Variants in OR51M1 observed in about 807,000 individuals in gnomAD.
OR51M1 encodes olfactory receptor family 51 subfamily M member 1.
For synonymous variants in OR51M1, 199 were observed against 155.1 expected, an observed-to-expected ratio of 1.28 and a Z score of -2.10; for missense variants, 509 against 404.4, an observed-to-expected ratio of 1.26 and a Z score of -2.22.
At chr11:5,386,096 A>T (rs1007251011) in intron 2 of OR51M1, among the ~76,000 whole-genome samples, 2 of 152,146 alleles carry the variant, frequency 1.3e-5, no homozygotes, top group African/African-American at 4.8e-5. Context: ...TTGACAGAAG[A>T]AGTGATATTT....
chr11:5,392,937 TA>T lies in OR51M1; in HGVS notation c.*2561del, dbSNP rs1249227447. On this transcript the variant is annotated 3_prime_UTR_variant, in exon 3 of 3. Coordinates refer to ENST00000642046, the MANE Select transcript of OR51M1 (RefSeq NM_001004756.3). ...AAAAACAAAAAAAAAGAAAAATAAATAAATATCTGTGCTGTTAAGTATGTGG... is the reference window on the plus strand; with the variant it reads ...AAAAACAAAAAAAAAGAAAAATAAATAATATCTGTGCTGTTAAGTATGTGG... The T allele has an allele frequency of 2.2e-5, 3 of 138,070 alleles. No individual in the cohort carries two copies. Among genetic ancestry groups the T allele is most frequent in the Non-Finnish European group, 3.2e-5 (2 of 62,444 alleles). The allele number at this position is 138,070 out of a possible 1,614,324, so 8.6% of individuals were successfully genotyped here. A position where few individuals can be genotyped will look rare whatever the true frequency, so the allele number is the denominator to read the frequency against.
chr11:5,384,696 T>C (rs1020435355), intron 1 of OR51M1, among the ~76,000 whole-genome samples: 1 of 152,214 alleles, frequency 6.6e-6, no homozygotes, highest in Non-Finnish European at 1.5e-5. Context: ...CATTCACTTA[T>C]TCAACAAATT....
In OR51M1 at chr11:5,392,133, G is replaced by T. The variant is rs1362898596; in HGVS notation, c.*1754G>T. 6.6e-6 allele frequency: 1 copy of T among 152,170 alleles called. No homozygotes were observed. Among genetic ancestry groups the T allele is most frequent in the African/African-American group, 2.4e-5 (1 of 41,430 alleles). The allele number at this position is 152,170 out of a possible 1,614,324, so 9.4% of individuals were successfully genotyped here. The stretch of plus-strand genomic sequence containing the variant: ...AGAACCAAACTCTAAAAATATGTAT[G>T]TATGTTTGTGCGGTTTCTTGTGTAT... On this transcript the variant is annotated 3_prime_UTR_variant, in exon 3 of 3. Transcript: ENST00000642046.
In OR51M1 at chr11:5,390,012, C is replaced by A; in HGVS notation, c.614C>A (p.Thr205Asn). 1.2e-6 allele frequency: 2 copies of A among 1,613,412 alleles called. No homozygotes were observed. Among genetic ancestry groups the A allele is most frequent in the Non-Finnish European group, 1.7e-6 (2 of 1,179,904 alleles). ...ATACAGCTGGCCTGCACAGATATCA[C>A]CTTCAATAATCTGTATGGACTGATG... ...EVIQLACTDI[T>N]FNNLYGLMVV... Residue 205 changes from threonine (T) to asparagine (N), a missense_variant, in exon 3 of 3, where the codon ACC (threonine) becomes AAC (asparagine). Physicochemically the swap from Thr to Asn is moderately conservative, Grantham distance 65. Transcript: ENST00000642046.
rs1589971515 is a variant in OR51M1 at position 5,392,426 on chromosome 11, G to C, written c.*2047G>C. ...ATGGGGTACAAAAAATTTAGGATTT[G>C]GATTTAGATTAGCACTGAAGTCCCA... On this transcript the variant is annotated 3_prime_UTR_variant, in exon 3 of 3. Transcript: ENST00000642046. The C allele has an allele frequency of 7.2e-5, 11 of 152,256 alleles. 2 individuals carry two copies. In the South Asian group the frequency reaches 2.3e-3, roughly 32 times the overall value. 9.4% of individuals were successfully genotyped at this position (152,256 alleles called of 1,614,324 possible).
rs920610494 is a variant in OR51M1, at chr11:5,391,270, C to G, written c.*891C>G. On this transcript the variant is annotated 3_prime_UTR_variant, in exon 3 of 3. Transcript: ENST00000642046. Reference sequence around the variant, plus strand: ...GGGGTCTCAGCTTTGAAATTGCTTCCTCAAGGACATTTTCACAGATAGCTC... The same window carrying G: ...GGGGTCTCAGCTTTGAAATTGCTTCGTCAAGGACATTTTCACAGATAGCTC... 1 of 152,178 alleles carries G rather than the reference C, an allele frequency of 6.6e-6. No individual in the cohort carries two copies. Among genetic ancestry groups the G allele is most frequent in the African/African-American group, 2.4e-5 (1 of 41,454 alleles). 9.4% of individuals were successfully genotyped at this position (152,178 alleles called of 1,614,324 possible).
Position 5,390,474 on chromosome 11 carries a change from T to A in OR51M1, c.*95T>A, listed in dbSNP as rs115614694. Reference sequence around the variant, plus strand: ...TGAGTATATAGCATGCTCTTAAAGATTTTTTGCCCCTGTCCTAAATAAAAT... The same window carrying A: ...TGAGTATATAGCATGCTCTTAAAGAATTTTTGCCCCTGTCCTAAATAAAAT... On this transcript the variant is annotated 3_prime_UTR_variant, in exon 3 of 3. Coordinates refer to ENST00000642046, the MANE Select transcript of OR51M1 (RefSeq NM_001004756.3). The A allele has an allele frequency of 1.4e-5, 16 of 1,120,954 alleles. No homozygotes were observed. The highest frequency in any genetic ancestry group is 3.1e-5 in the African/African-American group (2 of 63,522). The allele number at this position is 1,120,954 out of a possible 1,614,324, so 69.4% of individuals were successfully genotyped here.
chr11:5,391,559 G>A lies in OR51M1; in HGVS notation c.*1180G>A, dbSNP rs928960543. On this transcript the variant is annotated 3_prime_UTR_variant, in exon 3 of 3. Coordinates refer to ENST00000642046, the MANE Select transcript of OR51M1 (RefSeq NM_001004756.3). ...CGTGGACATATAGATACATAAAGAG[G>A]GATCCAGAGCTAACAGAAGTTCTCT... is the stretch of plus-strand genomic sequence containing the variant. The A allele has an allele frequency of 6.6e-6, 1 of 152,072 alleles. No individual in the cohort carries two copies. The highest frequency in any genetic ancestry group is 2.4e-5 in the African/African-American group (1 of 41,390). The allele number at this position is 152,072 out of a possible 1,614,324, so 9.4% of individuals were successfully genotyped here.
rs946611146 is a variant in OR51M1 at position 5,389,258 on chromosome 11, T to C, written c.-15-126T>C. 11 of 817,228 alleles carry C rather than the reference T, an allele frequency of 1.3e-5. No homozygotes were observed. In the African/African-American group the frequency reaches 1.4e-4, roughly 10 times the overall value. 50.6% of individuals were successfully genotyped at this position (817,228 alleles called of 1,614,324 possible). A position where few individuals can be genotyped will look rare whatever the true frequency, so the allele number is the denominator to read the frequency against. On this transcript the variant is annotated intron_variant, in intron 2 of 2. Transcript: ENST00000642046. ...AAGAAAGTTCAATAAAGTAGTGAGATTGGCAGAATTCATAAGGGTGGAGTA... is the reference window on the plus strand; with the variant it reads ...AAGAAAGTTCAATAAAGTAGTGAGACTGGCAGAATTCATAAGGGTGGAGTA...
chr11:5,392,650 C>A lies in OR51M1; in HGVS notation c.*2271C>A, dbSNP rs188950208. On this transcript the variant is annotated 3_prime_UTR_variant, in exon 3 of 3. Transcript: ENST00000642046. ...ATATCTGGCTGGGCGCGGTGGCTCA[C>A]GCCTGTAATCCCAGCACTCTGGGAG... 6.6e-6 allele frequency: 1 copy of A among 152,242 alleles called. No individual in the cohort carries two copies. Among genetic ancestry groups the A allele is most frequent in the South Asian group, 2.1e-4 (1 of 4,834 alleles). The allele number at this position is 152,242 out of a possible 1,614,324, so 9.4% of individuals were successfully genotyped here.
In OR51M1 at chr11:5,390,572, C is replaced by A; in HGVS notation, c.*193C>A. 1.8e-6 allele frequency: 1 copy of A among 547,768 alleles called. No homozygotes were observed. Among genetic ancestry groups the A allele is most frequent in the Non-Finnish European group, 3.2e-6 (1 of 314,588 alleles). 33.9% of individuals were successfully genotyped at this position (547,768 alleles called of 1,614,324 possible). A position where few individuals can be genotyped will look rare whatever the true frequency, so the allele number is the denominator to read the frequency against. ...TCTTGCTTAGATTTTAATGGCTCCT[C>A]CTACAGCTGAGAACTGGCATTTTTG... On this transcript the variant is annotated 3_prime_UTR_variant, in exon 3 of 3. Coordinates refer to ENST00000642046, the MANE Select transcript of OR51M1 (RefSeq NM_001004756.3).
Position 5,390,574 on chromosome 11 carries a change from T to C in OR51M1, c.*195T>C. ...TTGCTTAGATTTTAATGGCTCCTCCTACAGCTGAGAACTGGCATTTTTGGT... is the reference window on the plus strand; with the variant it reads ...TTGCTTAGATTTTAATGGCTCCTCCCACAGCTGAGAACTGGCATTTTTGGT... On this transcript the variant is annotated 3_prime_UTR_variant, in exon 3 of 3. Transcript: ENST00000642046. The C allele has an allele frequency of 5.5e-6, 3 of 547,486 alleles. No homozygotes were observed. Among genetic ancestry groups the C allele is most frequent in the Non-Finnish European group, 9.5e-6 (3 of 314,206 alleles). The allele number at this position is 547,486 out of a possible 1,614,324, so 33.9% of individuals were successfully genotyped here.
chr11:5,388,651 T>C (rs148487385), intron 2 of OR51M1, among the ~76,000 whole-genome samples: 282 of 150,342 alleles, frequency 1.9e-3, no homozygotes, highest in African/African-American at 6.5e-3. Flanking sequence ...GGAGAGAAAA[T>C]AAGGTAGGGT....
chr11:5,389,335 G>A (rs1589969406), intron 2 of OR51M1, 49 bp from the exon 3 acceptor site: 1 of 1,482,632 alleles, frequency 6.7e-7, no homozygotes, highest in Non-Finnish European at 9.3e-7. Flanking sequence ...TGTTGTGAAT[G>A]TTAGTGAAGC....
At chr11:5,385,199 C>T (rs916745145) in intron 1 of OR51M1, among the ~76,000 whole-genome samples, 154 bp from the exon 2 acceptor site, 2 of 152,140 alleles carry the variant, frequency 1.3e-5, no homozygotes, top group African/African-American at 4.8e-5. Flanking sequence ...GAGTGGACTC[C>T]TCCATTGCTT....
At chr11:5,389,235 G>C (rs1328034198) in intron 2 of OR51M1, 149 bp from the exon 3 acceptor site, 7 of 720,872 alleles carry the variant, frequency 9.7e-6, no homozygotes, top group Non-Finnish European at 1.6e-5. Flanking sequence ...GGTTATCAAA[G>C]AAAGTTCAAT....
At position 5,390,170 on chromosome 11, in the gene OR51M1, T is replaced by C; in HGVS notation, c.772T>C (p.Cys258Arg). The change falls in exon 3 of 3, where the codon TGT becomes CGT. Residue 258 changes from cysteine to arginine, a missense_variant. Coordinates refer to ENST00000642046, the MANE Select transcript of OR51M1 (RefSeq NM_001004756.3). ...CTTTCAGACATGCACCGCTCCTCTC[T>C]GTGCTGTGCTAGTATTCTTTGTGCC... ...RAFQTCTAPL[C>R]AVLVFFVPMM... is the part of the protein sequence containing the mutation. 1 of 1,613,872 alleles carries C rather than the reference T, an allele frequency of 6.2e-7. No homozygotes were observed.
chr11:5,387,736 T>C (rs77320465), intron 2 of OR51M1, among the ~76,000 whole-genome samples: 118,634 of 151,914 alleles, frequency 0.78, 46,728 homozygotes, highest in Middle Eastern at 0.84. Context: ...CCTTGAATGT[T>C]TTTCCCTAAG....
rs2133732075 is a variant in OR51M1 at position 5,392,468 on chromosome 11, C to T, written c.*2089C>T. ...GAAGTCCCATTTTGCCTCTTATTAA[C>T]AAATAGACCACTGACATCTAAATTT... On this transcript the variant is annotated 3_prime_UTR_variant, in exon 3 of 3. Transcript: ENST00000642046. The T allele has an allele frequency of 6.6e-6, 1 of 152,294 alleles. No individual in the cohort carries two copies. Among genetic ancestry groups the T allele is most frequent in the African/African-American group, 2.4e-5 (1 of 41,570 alleles). The allele number at this position is 152,294 out of a possible 1,614,324, so 9.4% of individuals were successfully genotyped here. A position where few individuals can be genotyped will look rare whatever the true frequency, so the allele number is the denominator to read the frequency against.
Sources: gnomAD v4.1 joint callset for allele counts (sites outside exome capture counted in the v4.1 genomes callset) on GRCh38, gnomAD v4.1.1 for gene constraint, MANE v1.5 for transcripts, NCBI Gene and HGNC (gene_info 2026-07-23, HGNC 2026-07-21) for gene names.